Variants in IL1RAP observed in about 807,000 individuals in gnomAD.
IL1RAP encodes the protein interleukin 1 receptor accessory protein.
IL1RAP carries 35 observed loss-of-function variants against 60.7 expected under a neutral mutation model. The ratio of observed to expected loss-of-function variants is 0.58; its 90% CI spans 0.44 to 0.76. IL1RAP has a LOEUF of 0.76. Among genes scored for constraint, IL1RAP ranks in the 30% least tolerant of loss-of-function variants. IL1RAP has a pLI of 0.00. For missense variants in IL1RAP, 572 were observed against 693.9 expected (o/e 0.82, Z 1.97); for synonymous variants, 268 against 250.9 (o/e 1.07, Z -0.64).
At chr3:190,560,263 G>C (rs1430691130) in intron 2 of IL1RAP, among the ~76,000 whole-genome samples, 1 of 152,226 alleles carries the variant, frequency 6.6e-6, no homozygotes, top group Non-Finnish European at 1.5e-5. Flanking sequence ...TCAAGGAAGT[G>C]ATTTGACTAC....
At chr3:190,636,132 C>T (rs767330906) in intron 9 of IL1RAP, among the ~76,000 whole-genome samples, 1 of 152,138 alleles carries the variant, frequency 6.6e-6, no homozygotes, top group Non-Finnish European at 1.5e-5. Flanking sequence ...TATTTGCAGA[C>T]TGCCTATCTT....
chr3:190,614,910 G>A (rs1306293818), intron 5 of IL1RAP, among the ~76,000 whole-genome samples: 1 of 152,142 alleles, frequency 6.6e-6, no homozygotes, highest in Non-Finnish European at 1.5e-5. Context: ...GGACGTAGGT[G>A]AACCTGTGGA....
At chr3:190,547,949 C>T (rs964161649) in intron 1 of IL1RAP, among the ~76,000 whole-genome samples, 3 of 152,082 alleles carry the variant, frequency 2.0e-5, no homozygotes, top group African/African-American at 4.8e-5. Context: ...GGGGCCTCTC[C>T]GAGGCTTCTG....
chr3:190,616,904 C>T (rs1432957499), intron 5 of IL1RAP, among the ~76,000 whole-genome samples: 1 of 152,118 alleles, frequency 6.6e-6, no homozygotes, highest in Non-Finnish European at 1.5e-5. Context: ...ACCCCACTGT[C>T]CCTCATACAA....
chr3:190,544,232 C>T (rs1208414425), intron 1 of IL1RAP, among the ~76,000 whole-genome samples: 1 of 152,112 alleles, frequency 6.6e-6, no homozygotes, highest in Admixed American at 6.5e-5. Context: ...AATAAAGGCT[C>T]CCCTCTGTTT....
chr3:190,560,462 G>A (rs1725791206), intron 2 of IL1RAP, among the ~76,000 whole-genome samples: 1 of 152,234 alleles, frequency 6.6e-6, no homozygotes, highest in Non-Finnish European at 1.5e-5. Context: ...CTGACTGCAA[G>A]TCTTTACAGG....
rs576237107 is a variant in IL1RAP, at chr3:190,567,987, T to C, written c.64+3634T>C. ...TTAAAAGCTGCCTTTGGAGTAGACATAAATTTTGGAACCTGTGATCCCAAG... is the reference window on the plus strand; with the variant it reads ...TTAAAAGCTGCCTTTGGAGTAGACACAAATTTTGGAACCTGTGATCCCAAG... On this transcript the variant is annotated intron_variant, in intron 3 of 11. Transcript: ENST00000447382. 1.2e-4 allele frequency among the ~76,000 whole-genome samples: 19 copies of C among 152,266 alleles called. No individual in the cohort carries two copies. In the South Asian group the frequency reaches 3.9e-3, roughly 32 times the overall value.
At chr3:190,569,749 G>A (rs919037904) in intron 3 of IL1RAP, among the ~76,000 whole-genome samples, 1 of 152,150 alleles carries the variant, frequency 6.6e-6, no homozygotes, top group Non-Finnish European at 1.5e-5. Flanking sequence ...TTGTATCACA[G>A]TGATAATTCT....
intron 3 of IL1RAP, among the ~76,000 whole-genome samples, chr3:190,566,002 C>T (rs1272564027): frequency 6.6e-6 from 1 of 151,832 alleles, no homozygotes; most frequent in African/African-American, 2.4e-5. Context: ...TTTCCTCCTC[C>T]TTTTCCTTCC....
At chr3:190,657,937 C>G (rs948144470) in exon 12 of IL1RAP, 7 of 152,006 alleles carry the variant, frequency 4.6e-5, no homozygotes, top group Non-Finnish European at 5.9e-5. Flanking sequence ...CACCTGTAAT[C>G]CCAGCTACTC....
intron 4 of IL1RAP, among the ~76,000 whole-genome samples, chr3:190,605,211 A>G (rs1730202191): frequency 6.6e-6 from 1 of 152,170 alleles, no homozygotes. Flanking sequence ...AATCCAAACA[A>G]TTTACCATGA....
intron 1 of IL1RAP, among the ~76,000 whole-genome samples, chr3:190,542,149 C>T (rs1341065564): frequency 6.6e-6 from 1 of 152,150 alleles, no homozygotes; most frequent in Non-Finnish European, 1.5e-5. Context: ...GCATTTTTCA[C>T]AACCCTTGCT....
chr3:190,515,277 C>G (rs1721417495), intron 1 of IL1RAP, among the ~76,000 whole-genome samples: 1 of 148,370 alleles, frequency 6.7e-6, no homozygotes. Flanking sequence ...ATAATGGTCA[C>G]AATGAGCCCT....
chr3:190,566,638 G>A (rs1350073673), intron 3 of IL1RAP, among the ~76,000 whole-genome samples: 2 of 152,168 alleles, frequency 1.3e-5, no homozygotes, highest in Non-Finnish European at 2.9e-5. Context: ...GAAACATGTT[G>A]TAATCCCCTC....
rs927525304 is a variant in IL1RAP at position 190,648,992 on chromosome 3, T to A, written c.*287T>A. 2 of 1,098,302 alleles carry A rather than the reference T, an allele frequency of 1.8e-6. No individual in the cohort carries two copies. The highest frequency in any genetic ancestry group is 2.2e-6 in the Non-Finnish European group (2 of 902,694). The allele number at this position is 1,098,302 out of a possible 1,614,324, so 68.0% of individuals were successfully genotyped here. On this transcript the variant is annotated 3_prime_UTR_variant, in exon 12 of 12. Coordinates refer to ENST00000447382, the MANE Select transcript of IL1RAP (RefSeq NM_002182.4). Reference sequence around the variant, plus strand: ...TCCCCTTCTACATTGTCTATCCCTGTTTTTATATGTCTCCATTCTTTTTAA... The same window carrying A: ...TCCCCTTCTACATTGTCTATCCCTGATTTTATATGTCTCCATTCTTTTTAA...
At chr3:190,608,637 A>G (rs1231441463) in intron 4 of IL1RAP, among the ~76,000 whole-genome samples, 2 of 151,164 alleles carry the variant, frequency 1.3e-5, no homozygotes, top group Non-Finnish European at 2.9e-5. Context: ...AAACAATAGA[A>G]ATTCTTGAGC....
chr3:190,649,889 G>C lies in IL1RAP; in HGVS notation c.*1184G>C. The C allele has an allele frequency of 1.0e-6, 1 of 983,442 alleles. No homozygotes were observed. The highest frequency in any genetic ancestry group is 1.2e-6 in the Non-Finnish European group (1 of 828,206). The allele number at this position is 983,442 out of a possible 1,614,324, so 60.9% of individuals were successfully genotyped here. On this transcript the variant is annotated 3_prime_UTR_variant, in exon 12 of 12. Transcript: ENST00000447382. ...CTGTTTTTAAGACTTGGAAAACTAA[G>C]TGCAGAGTTTACAGAGTGGTAAATA... is the stretch of plus-strand genomic sequence containing the variant.
At chr3:190,517,966 A>C (rs961708731) in intron 1 of IL1RAP, 1 of 152,266 alleles carries the variant, frequency 6.6e-6, no homozygotes, top group African/African-American at 2.4e-5. Context: ...ATTGTTCTGC[A>C]TGGAAAAAAA....
At chr3:190,607,493 A>G (rs536454191) in intron 4 of IL1RAP, among the ~76,000 whole-genome samples, 1 of 152,318 alleles carries the variant, frequency 6.6e-6, no homozygotes, top group South Asian at 2.1e-4. Flanking sequence ...AAGCGTACGT[A>G]TCTATAACAT....
Sources: allele counts gnomAD v4.1 joint callset (sites outside exome capture counted in the v4.1 genomes callset), GRCh38; gene constraint gnomAD v4.1.1; transcripts MANE v1.5; gene names NCBI Gene and HGNC (gene_info 2026-07-23, HGNC 2026-07-21).